Variants in USP34 observed in about 807,000 individuals in gnomAD.
USP34 encodes ubiquitin carboxyl-terminal hydrolase 34.
In USP34, 70 loss-of-function variants were observed where a neutral mutation model predicts 460.3. The ratio of observed to expected loss-of-function variants is 0.15; its 90% CI spans 0.13 to 0.19. The LOEUF is 0.19. Ranked by LOEUF, USP34 falls within the 10% of genes least tolerant of loss-of-function variation. USP34 has a pLI of 1.00. For synonymous variants in USP34, 1,647 were observed against 1,405.3 expected (o/e 1.17, Z -3.85); for missense variants, 3,985 against 4,236.2 (o/e 0.94, Z 1.65).
At chr2:61,408,721 C>T (rs1043614334) in intron 2 of USP34, among the ~76,000 whole-genome samples, 10 of 151,852 alleles carry the variant, frequency 6.6e-5, no homozygotes, top group Non-Finnish European at 1.3e-4. Flanking sequence ...CATGGTGAAA[C>T]CTCTTCTCTA....
chr2:61,237,732 C>A (rs1374763275), intron 53 of USP34, among the ~76,000 whole-genome samples: 2 of 150,266 alleles, frequency 1.3e-5, no homozygotes, highest in African/African-American at 4.9e-5. Context: ...CCATGCCCAG[C>A]TATTATTTTT....
intron 53 of USP34, 65 bp downstream of exon 53, chr2:61,241,495 C>T: frequency 8.5e-7 from 1 of 1,181,824 alleles, no homozygotes; most frequent in Non-Finnish European, 1.2e-6. Context: ...TCTTACACTA[C>T]AGTATTCCTT....
At chr2:61,327,937 T>C (rs1691144006) in intron 20 of USP34, among the ~76,000 whole-genome samples, 1 of 152,214 alleles carries the variant, frequency 6.6e-6, no homozygotes, top group Non-Finnish European at 1.5e-5. Context: ...GAAAATCTCT[T>C]TGTAGCCTCC....
At chr2:61,274,406 A>G (rs988282903) in intron 41 of USP34, among the ~76,000 whole-genome samples, 6 of 151,852 alleles carry the variant, frequency 4.0e-5, no homozygotes, top group Admixed American at 2.0e-4. Context: ...ATAAATAAAT[A>G]AGAAACAAGC....
chr2:61,278,212 T>C lies in USP34; in HGVS notation c.5386A>G (p.Ser1796Gly). The C allele has an allele frequency of 6.2e-7, 1 of 1,613,748 alleles. No individual in the cohort carries two copies. The highest frequency in any genetic ancestry group is 8.5e-7 in the Non-Finnish European group (1 of 1,179,824). Residue 1796 changes from serine to glycine, a missense_variant, in exon 41 of 80, where the codon AGT (serine) becomes GGT (glycine). Physicochemically the swap from Ser to Gly is moderately conservative, Grantham distance 56 (BLOSUM62 0). Transcript: ENST00000398571. The part of the protein sequence containing the change: ...GLTGLLRLAT[S>G]VVKHKPPFKF... The stretch of plus-strand genomic sequence containing the variant: ...AAGGGTGGTTTGTGTTTAACAACAC[T>C]TGTTGCAAGCCTTAGGAGTCCTGTA...
At chr2:61,326,411 T>C (rs948297844) in intron 20 of USP34, among the ~76,000 whole-genome samples, 5 of 152,116 alleles carry the variant, frequency 3.3e-5, no homozygotes, top group Non-Finnish European at 5.9e-5. Context: ...TTTATTATAG[T>C]AGAGACGGGG....
intron 1 of USP34, among the ~76,000 whole-genome samples, chr2:61,461,887 A>G (rs985494955): frequency 6.6e-6 from 1 of 152,222 alleles, no homozygotes; most frequent in African/African-American, 2.4e-5. Context: ...CATTATTCAT[A>G]ATATGGGAGA....
intron 41 of USP34, among the ~76,000 whole-genome samples, chr2:61,267,851 C>T (rs1387811003): frequency 2.0e-5 from 3 of 152,030 alleles, no homozygotes; most frequent in South Asian, 2.1e-4. Flanking sequence ...CTCCCGACTT[C>T]GTGATCCATC....
At chr2:61,399,895 G>A (rs1245616079) in intron 3 of USP34, among the ~76,000 whole-genome samples, 2 of 76,906 alleles carry the variant, frequency 2.6e-5, no homozygotes, top group Non-Finnish European at 5.7e-5. Flanking sequence ...AAAAAAAGCT[G>A]TATTAACAGT....
intron 1 of USP34, among the ~76,000 whole-genome samples, chr2:61,428,165 CA>C (rs376451824): frequency 0.29 from 19,494 of 66,304 alleles, 1,642 homozygotes; most frequent in East Asian, 0.48. Context: ...AACTCCGTCA[CA>C]AAAAAAAAAA....
intron 50 of USP34, among the ~76,000 whole-genome samples, chr2:61,245,707 T>G (rs1688400598): frequency 6.6e-6 from 1 of 152,038 alleles, no homozygotes; most frequent in South Asian, 2.1e-4. Context: ...ACCTGATGGG[T>G]GAAGGAGTGA....
chr2:61,195,304 G>C (rs1232948525), intron 75 of USP34, among the ~76,000 whole-genome samples: 3 of 150,392 alleles, frequency 2.0e-5, no homozygotes, highest in Non-Finnish European at 2.9e-5. Flanking sequence ...ATTGGCCTTT[G>C]AAAGTGCTGG....
At chr2:61,204,671 C>G in intron 72 of USP34, 70 bp from the exon 73 acceptor site, 1 of 1,251,028 alleles carries the variant, frequency 8.0e-7, no homozygotes, top group Non-Finnish European at 1.2e-6. Context: ...TTCCATCTTA[C>G]AAATCCTATG....
At chr2:61,449,286 A>G (rs1465319770) in intron 1 of USP34, among the ~76,000 whole-genome samples, 3 of 152,100 alleles carry the variant, frequency 2.0e-5, no homozygotes, top group Non-Finnish European at 2.9e-5. Flanking sequence ...AAACTACAAA[A>G]TATTGTTTAA....
intron 1 of USP34, among the ~76,000 whole-genome samples, chr2:61,466,964 CTGTT>C (rs891948037): frequency 5.1e-4 from 77 of 151,832 alleles, no homozygotes; most frequent in African/African-American, 1.7e-3. Context: ...AGTGTGATCA[CTGTT>C]TGTTAATTTC....
intron 57 of USP34, among the ~76,000 whole-genome samples, chr2:61,234,081 C>T (rs1316635647): frequency 6.6e-6 from 1 of 152,084 alleles, no homozygotes; most frequent in Non-Finnish European, 1.5e-5. Context: ...AGTTGAGGAA[C>T]AGGTATGTGA....
In USP34 at chr2:61,355,923, G is replaced by A. The variant is rs1023233562; in HGVS notation, c.1252-5230C>T. Among the ~76,000 whole-genome samples the A allele has an allele frequency of 6.6e-5, 10 of 152,162 alleles. 1 individual carries two copies. Among genetic ancestry groups the A allele is most frequent in the South Asian group, 6.2e-4 (3 of 4,824 alleles). ...GAAAGGACAGAAAAAGATATTCCAC[G>A]CAAATAGCAAGCAAAAGCTAGCTGG... On this transcript the variant is annotated intron_variant, in intron 10 of 79. Coordinates refer to ENST00000398571, the MANE Select transcript of USP34 (RefSeq NM_014709.4).
At chr2:61,211,990 T>C in intron 68 of USP34, 61 bp from the exon 69 acceptor site, 2 of 1,511,380 alleles carry the variant, frequency 1.3e-6, no homozygotes, top group Non-Finnish European at 1.8e-6. Flanking sequence ...AAGGTCAGTT[T>C]CTCATTTCTA....
intron 16 of USP34, among the ~76,000 whole-genome samples, chr2:61,343,436 A>G (rs2103764670): frequency 6.6e-6 from 1 of 152,286 alleles, no homozygotes; most frequent in East Asian, 1.9e-4. Context: ...CCTATTCTAG[A>G]CATATCATAT....
Sources: allele counts gnomAD v4.1 joint callset (sites outside exome capture counted in the v4.1 genomes callset), GRCh38; gene constraint gnomAD v4.1.1; transcripts MANE v1.5; gene names NCBI Gene and HGNC (gene_info 2026-07-23, HGNC 2026-07-21).